SLC5A8: variants seen among roughly 807,000 people sequenced by gnomAD.
The protein encoded by SLC5A8 is sodium-coupled monocarboxylate transporter 1.
SLC5A8 carries 55 observed loss-of-function variants against 71.9 expected under a neutral mutation model. That is an observed-to-expected ratio of 0.77 (90% CI 0.62 to 0.96). The LOEUF (loss-of-function observed/expected upper bound fraction) is 0.96, where lower values mean the gene tolerates loss of function less well. Among genes scored for constraint, SLC5A8 ranks in the 40% least tolerant of loss-of-function variants. The pLI, the probability that SLC5A8 is intolerant of heterozygous loss-of-function variation, is 0.00. For missense variants in SLC5A8, 701 were observed against 745.3 expected (o/e 0.94, Z 0.69); for synonymous variants, 307 against 276.1 (o/e 1.11, Z -1.11).
At chr12:101,180,189 G>C in intron 9 of SLC5A8, 93 bp from the exon 10 acceptor site, 1 of 1,287,192 alleles carries the variant, frequency 7.8e-7, no homozygotes, top group African/African-American at 1.5e-5. Flanking sequence ...ATTCAAAGTG[G>C]ATAATATGAC....
chr12:101,161,062 G>A (rs111410604), intron 13 of SLC5A8, among the ~76,000 whole-genome samples: 3 of 152,254 alleles, frequency 2.0e-5, no homozygotes, highest in African/African-American at 4.8e-5. Flanking sequence ...GTAGCAGAGC[G>A]CTGTCACAAC....
chr12:101,187,777 G>A (rs150153378), intron 6 of SLC5A8, among the ~76,000 whole-genome samples: 34 of 151,950 alleles, frequency 2.2e-4, no homozygotes, highest in African/African-American at 8.2e-4. Context: ...GAGCTCCAGG[G>A]GCATTGTTAG....
At chr12:101,163,611 G>C (rs939945778) in intron 12 of SLC5A8, among the ~76,000 whole-genome samples, 4 of 152,170 alleles carry the variant, frequency 2.6e-5, no homozygotes. Flanking sequence ...CCCAGAGGTG[G>C]AGGTTGCATT....
chr12:101,192,144 A>C (rs528969905), intron 5 of SLC5A8, among the ~76,000 whole-genome samples: 3 of 152,302 alleles, frequency 2.0e-5, no homozygotes, highest in Non-Finnish European at 2.9e-5. Context: ...AATAGTCTCA[A>C]TTGACGATCA....
intron 10 of SLC5A8, 83 bp downstream of exon 10, chr12:101,179,946 G>T: frequency 7.0e-7 from 1 of 1,427,430 alleles, no homozygotes; most frequent in Non-Finnish European, 9.9e-7. Flanking sequence ...TATATATCGA[G>T]AGAAGTCTGG....
intron 2 of SLC5A8, 58 bp from the exon 3 acceptor site, chr12:101,202,273 G>C (rs146020331): frequency 7.2e-6 from 10 of 1,385,516 alleles, no homozygotes; most frequent in Admixed American, 2.5e-5. Flanking sequence ...CATGAATTAC[G>C]TCTGAGTTAT....
intron 3 of SLC5A8, among the ~76,000 whole-genome samples, chr12:101,195,881 A>G (rs1422966164): frequency 6.6e-6 from 1 of 152,036 alleles, no homozygotes; most frequent in Admixed American, 6.5e-5. Flanking sequence ...TACTTTTAGT[A>G]GAGACGGGTT....
intron 9 of SLC5A8, 56 bp from the exon 10 acceptor site, chr12:101,180,152 T>C: frequency 6.5e-7 from 1 of 1,543,522 alleles, no homozygotes; most frequent in Non-Finnish European, 9.0e-7. Context: ...ATTAGAATTC[T>C]CAATAGAATA....
At chr12:101,197,763 TCTC>T (rs1481527380) in intron 3 of SLC5A8, among the ~76,000 whole-genome samples, 5 of 152,082 alleles carry the variant, frequency 3.3e-5, no homozygotes, top group Non-Finnish European at 4.4e-5. Context: ...AGCATCCTTC[TCTC>T]AGCAATTGGT....
intron 3 of SLC5A8, among the ~76,000 whole-genome samples, chr12:101,198,184 A>T (rs928135925): frequency 6.6e-6 from 1 of 152,040 alleles, no homozygotes; most frequent in African/African-American, 2.4e-5. Context: ...GTTTCAAAAA[A>T]ATTAATAACT....
chr12:101,193,836 A>G (rs1452870818), intron 4 of SLC5A8, 57 bp from the exon 5 acceptor site: 3 of 1,527,010 alleles, frequency 2.0e-6, no homozygotes, highest in South Asian at 2.4e-5. Flanking sequence ...TTAAGCATCT[A>G]CACACTTATA....
intron 8 of SLC5A8, among the ~76,000 whole-genome samples, chr12:101,183,449 G>A (rs1344149713): frequency 6.6e-6 from 1 of 152,138 alleles, no homozygotes; most frequent in Non-Finnish European, 1.5e-5. Flanking sequence ...AAAAGAGAAA[G>A]GATATGTTCA....
chr12:101,162,303 G>A (rs1302907896), intron 12 of SLC5A8, among the ~76,000 whole-genome samples: 1 of 152,130 alleles, frequency 6.6e-6, no homozygotes, highest in Non-Finnish European at 1.5e-5. Flanking sequence ...ATTCAATTCT[G>A]CATGATGTCC....
Position 101,193,507 on chromosome 12 carries a change from A to G in SLC5A8, c.692+118T>C, listed in dbSNP as rs79545013. On this transcript the variant is annotated intron_variant, in intron 5 of 14. Coordinates refer to ENST00000536262, the MANE Select transcript of SLC5A8 (RefSeq NM_145913.5). ...TTACTTCTCTGCTTCAATTTGCTCTACCACATCCTTAGCAATTTGTTGGCT... is the reference window on the plus strand; with the variant it reads ...TTACTTCTCTGCTTCAATTTGCTCTGCCACATCCTTAGCAATTTGTTGGCT... The G allele has an allele frequency of 5.6e-4, 688 of 1,222,682 alleles. No individual in the cohort carries two copies. In the African/African-American group the frequency reaches 7.1e-3, roughly 13 times the overall value. 75.7% of individuals were successfully genotyped at this position (1,222,682 alleles called of 1,614,324 possible). A position where few individuals can be genotyped will look rare whatever the true frequency, so the allele number is the denominator to read the frequency against.
At chr12:101,162,156 G>T in intron 12 of SLC5A8, 79 bp from the exon 13 acceptor site, 1 of 886,758 alleles carries the variant, frequency 1.1e-6, no homozygotes, top group Non-Finnish European at 1.8e-6. Flanking sequence ...GATTCCCATG[G>T]CAAGGTCAAA....
intron 1 of SLC5A8, among the ~76,000 whole-genome samples, chr12:101,208,757 C>A (rs1161090754): frequency 6.6e-6 from 1 of 152,216 alleles, no homozygotes; most frequent in Non-Finnish European, 1.5e-5. Context: ...CAACTAGCAC[C>A]ACCACAGTAA....
intron 12 of SLC5A8, 62 bp from the exon 13 acceptor site, chr12:101,162,139 T>C (rs1187928569): frequency 7.7e-6 from 8 of 1,045,404 alleles, no homozygotes; most frequent in South Asian, 5.4e-5. Context: ...TACCAGTATA[T>C]ACCAGTGATT....
At chr12:101,204,870 C>T (rs1399583506) in intron 1 of SLC5A8, among the ~76,000 whole-genome samples, 3 of 152,302 alleles carry the variant, frequency 2.0e-5, no homozygotes, top group East Asian at 3.9e-4. Flanking sequence ...TCTTCTCCCC[C>T]GCCAAACCCT....
At chr12:101,183,661 T>C (rs988508893) in intron 8 of SLC5A8, among the ~76,000 whole-genome samples, 2 of 152,156 alleles carry the variant, frequency 1.3e-5, no homozygotes, top group Non-Finnish European at 2.9e-5. Context: ...ATGTTGATAA[T>C]AACAATTCTC....
Sources: gnomAD v4.1 joint callset for allele counts (sites outside exome capture counted in the v4.1 genomes callset) on GRCh38, gnomAD v4.1.1 for gene constraint, MANE v1.5 for transcripts, NCBI Gene and HGNC (gene_info 2026-07-23, HGNC 2026-07-21) for gene names.